Variants in TRIR observed in about 807,000 individuals in gnomAD.
TRIR encodes telomerase RNA component interacting RNase.
Under a neutral mutation model 18.2 loss-of-function variants are expected in TRIR, and 5 were observed. That is an observed-to-expected ratio of 0.27 (90% confidence interval 0.14 to 0.58). The LOEUF (loss-of-function observed/expected upper bound fraction) is 0.58, where lower values mean the gene tolerates loss of function less well. Among genes scored for constraint, TRIR ranks in the 20% least tolerant of loss-of-function variants. TRIR has a pLI of 0.91. For synonymous variants in TRIR, 134 were observed against 114.4 expected, an observed-to-expected ratio of 1.17 and a Z score of -1.10; for missense variants, 206 against 252.8, an observed-to-expected ratio of 0.81 and a Z score of 1.25.
rs1967502775 is a variant in TRIR at position 12,734,608 on chromosome 19, C to A, written c.50G>T (p.Gly17Val). ...CCCGCCACCGCCACCGCCCGCGGGGCCCGGAGCCTCCCGGCCCTGAGGCTC... is the reference window on the plus strand; with the variant it reads ...CCCGCCACCGCCACCGCCCGCGGGGACCGGAGCCTCCCGGCCCTGAGGCTC... ...RAEPQGREAPGPAGGGGGGSR... is the reference protein window; with the variant it reads ...RAEPQGREAPVPAGGGGGGSR... The change falls in exon 1 of 3, where the codon GGC (glycine) becomes GTC (valine). Residue 17 changes from glycine (G) to valine (V), a missense_variant. This residue lies in a region of TRIR where 172 missense variants were observed against 165.0 expected (regional missense o/e 1.04). Transcript: ENST00000242784. This position sits in a 1 kb window ranked among gnomAD's most constrained non-coding sequence, Gnocchi z 4.1. 1 of 1,517,844 alleles carries A rather than the reference C, an allele frequency of 6.6e-7. No individual in the cohort carries two copies. Among genetic ancestry groups the A allele is most frequent in the Non-Finnish European group, 8.8e-7 (1 of 1,139,246 alleles). 94.0% of individuals were successfully genotyped at this position (1,517,844 alleles called of 1,614,324 possible). A position where few individuals can be genotyped will look rare whatever the true frequency, so the allele number is the denominator to read the frequency against.
Position 12,734,626 on chromosome 19 carries a change from T to C in TRIR, c.32A>G (p.Gln11Arg). 2.0e-6 allele frequency: 3 copies of C among 1,513,998 alleles called. No individual in the cohort carries two copies. The highest frequency in any genetic ancestry group is 1.2e-5 in the South Asian group (1 of 81,670). 93.8% of individuals were successfully genotyped at this position (1,513,998 alleles called of 1,614,324 possible). MAARGRRAEPQGREAPGPAGG... is the reference protein window; with the variant it reads MAARGRRAEPRGREAPGPAGG... ...CGCGGGGCCCGGAGCCTCCCGGCCC[T>C]GAGGCTCCGCCCGTCTCCCTCGGGC... is the stretch of plus-strand genomic sequence containing the variant. Residue 11 changes from glutamine to arginine, a missense_variant, in exon 1 of 3, where the codon CAG becomes CGG. By Grantham distance (43) the Gln-to-Arg change is conservative. Around this residue, in one of 2 missense-constraint regions of TRIR, gnomAD observed 172 missense variants for 165.0 expected, o/e 1.04. Transcript: ENST00000242784. The surrounding 1 kb of genome is among the most constrained non-coding windows in gnomAD (Gnocchi z 4.1).
chr19:12,733,295 G>A (rs1039976442), intron 1 of TRIR, among the ~76,000 whole-genome samples: 3 of 152,082 alleles, frequency 2.0e-5, no homozygotes, highest in Non-Finnish European at 4.4e-5. Flanking sequence ...CAGAACTAGA[G>A]CCCCCAGTCT....
At chr19:12,733,619 A>G (rs943097532) in intron 1 of TRIR, among the ~76,000 whole-genome samples, 1 of 152,122 alleles carries the variant, frequency 6.6e-6, no homozygotes, top group Non-Finnish European at 1.5e-5. Flanking sequence ...AACTGCCCCA[A>G]TTGAGAACCA....
chr19:12,731,136 G>T lies in TRIR; in HGVS notation c.424-68C>A, dbSNP rs1967420478. 10 of 1,393,176 alleles carry T rather than the reference G, an allele frequency of 7.2e-6. No individual in the cohort carries two copies. In the South Asian group the frequency reaches 9.3e-5, roughly 13 times the overall value. The allele number at this position is 1,393,176 out of a possible 1,614,324, so 86.3% of individuals were successfully genotyped here. A position where few individuals can be genotyped will look rare whatever the true frequency, so the allele number is the denominator to read the frequency against. On this transcript the variant is annotated intron_variant, in intron 2 of 2. Coordinates refer to ENST00000242784, the MANE Select transcript of TRIR (RefSeq NM_024038.4). This position sits in a 1 kb window ranked among gnomAD's most constrained non-coding sequence, Gnocchi z 5.1. ...CAGGGTCAGGACTGCCCTGAGACAG[G>T]TGACCCATTCCCAGTGTCACCCAGA...
chr19:12,733,675 T>A (rs1353655562), intron 1 of TRIR, among the ~76,000 whole-genome samples: 1 of 152,142 alleles, frequency 6.6e-6, no homozygotes, highest in East Asian at 1.9e-4. Flanking sequence ...TAACCACTTT[T>A]CCAGGATCAC....
In TRIR at chr19:12,731,189, A is replaced by G; in HGVS notation, c.424-121T>C. On this transcript the variant is annotated intron_variant, in intron 2 of 2. Transcript: ENST00000242784. This position sits in a 1 kb window ranked among gnomAD's most constrained non-coding sequence, Gnocchi z 5.1. ...ACTCTGGGTTTGAGCTGAAGATTAT[A>G]AAGTCAAGTTATCTGGGGACCCATT... The G allele has an allele frequency of 7.9e-7, 1 of 1,267,272 alleles. No homozygotes were observed. Among genetic ancestry groups the G allele is most frequent in the Non-Finnish European group, 1.1e-6 (1 of 871,276 alleles). The allele number at this position is 1,267,272 out of a possible 1,614,324, so 78.5% of individuals were successfully genotyped here. A position where few individuals can be genotyped will look rare whatever the true frequency, so the allele number is the denominator to read the frequency against.
chr19:12,731,751 T>C lies in TRIR; in HGVS notation c.346-330A>G, dbSNP rs967248633. On this transcript the variant is annotated intron_variant, in intron 1 of 2. Coordinates refer to ENST00000242784, the MANE Select transcript of TRIR (RefSeq NM_024038.4). The surrounding 1 kb of genome is among the most constrained non-coding windows in gnomAD (Gnocchi z 5.1). Reference sequence around the variant, plus strand: ...CTCCCTTTATTGAGCATGTACTGTATGCCAAGCCCTGTGCCAAGTGCTGTG... The same window carrying C: ...CTCCCTTTATTGAGCATGTACTGTACGCCAAGCCCTGTGCCAAGTGCTGTG... 7 of 303,034 alleles carry C rather than the reference T, an allele frequency of 2.3e-5. 1 individual carries two copies. Among genetic ancestry groups the C allele is most frequent in the African/African-American group, 1.5e-4 (7 of 45,458 alleles). The allele number at this position is 303,034 out of a possible 1,614,324, so 18.8% of individuals were successfully genotyped here.
rs769940750 is a variant in TRIR, at chr19:12,731,449, G to A, written c.346-28C>T. The A allele has an allele frequency of 6.2e-6, 10 of 1,601,536 alleles. No homozygotes were observed. In the South Asian group the frequency reaches 7.8e-5, roughly 13 times the overall value. ...GGGTGAAGGGACAGAAGACTGCAAC[G>A]GTTACAGGAGCCGGGACCGCCCTTG... On this transcript the variant is annotated intron_variant, in intron 1 of 2. Transcript: ENST00000242784. The surrounding 1 kb of genome is among the most constrained non-coding windows in gnomAD (Gnocchi z 5.1).
Position 12,734,592 on chromosome 19 carries a change from G to T in TRIR, c.66C>A (p.Gly22=). Residue 22 remains glycine, a synonymous_variant, in exon 1 of 3, where the codon GGC becomes GGA. Transcript: ENST00000242784. The surrounding 1 kb of genome is among the most constrained non-coding windows in gnomAD (Gnocchi z 4.1). ...GREAPGPAGG[G]GGGSRWAESG... ...ACTCAGCCCAACGGCTCCCGCCACC[G>T]CCACCGCCCGCGGGGCCCGGAGCCT... 1 of 1,520,206 alleles carries T rather than the reference G, an allele frequency of 6.6e-7. No homozygotes were observed. The allele number at this position is 1,520,206 out of a possible 1,614,324, so 94.2% of individuals were successfully genotyped here.
rs79547465 is a variant in TRIR, at chr19:12,731,257, G to A, written c.423+87C>T. ...GCCAGGCACACTCATAAAAGGCCTG[G>A]ATACCAGACAGGGAGGGAGAAGGCT... is the stretch of plus-strand genomic sequence containing the variant. On this transcript the variant is annotated intron_variant, in intron 2 of 2. Coordinates refer to ENST00000242784, the MANE Select transcript of TRIR (RefSeq NM_024038.4). This position sits in a 1 kb window ranked among gnomAD's most constrained non-coding sequence, Gnocchi z 5.1. 2,079 of 1,511,424 alleles carry A rather than the reference G, an allele frequency of 1.4e-3. 21 individuals are homozygous for A. In the African/African-American group the frequency reaches 0.025, roughly 18 times the overall value. The allele number at this position is 1,511,424 out of a possible 1,614,324, so 93.6% of individuals were successfully genotyped here.
rs1463568723 is a variant in TRIR, at chr19:12,731,266, CAG to C, written c.423+76_423+77del. The C allele has an allele frequency of 3.2e-6, 5 of 1,539,334 alleles. No homozygotes were observed. Among genetic ancestry groups the C allele is most frequent in the Non-Finnish European group, 4.5e-6 (5 of 1,115,420 alleles). Reference sequence around the variant, plus strand: ...ACTCATAAAAGGCCTGGATACCAGACAGGGAGGGAGAAGGCTGGGCGCAAAAG... The same window carrying C: ...ACTCATAAAAGGCCTGGATACCAGACGGAGGGAGAAGGCTGGGCGCAAAAG... On this transcript the variant is annotated intron_variant, in intron 2 of 2. Transcript: ENST00000242784. This position sits in a 1 kb window ranked among gnomAD's most constrained non-coding sequence, Gnocchi z 5.1.
At chr19:12,733,884 G>C (rs1967480313) in intron 1 of TRIR, among the ~76,000 whole-genome samples, 1 of 152,190 alleles carries the variant, frequency 6.6e-6, no homozygotes, top group Non-Finnish European at 1.5e-5. Context: ...TAAGATACAA[G>C]GAAGTCAAGC....
Position 12,734,231 on chromosome 19 carries a change from G to C in TRIR, c.345+82C>G, listed in dbSNP as rs1967488219. The C allele has an allele frequency of 7.8e-7, 1 of 1,286,948 alleles. No homozygotes were observed. The highest frequency in any genetic ancestry group is 1.0e-6 in the Non-Finnish European group (1 of 991,390). 79.7% of individuals were successfully genotyped at this position (1,286,948 alleles called of 1,614,324 possible). ...TCATTCAGAACGGAAAGTGGACTTCGGTCCCGATCCCCCTTCACGGGCCCC... is the reference window on the plus strand; with the variant it reads ...TCATTCAGAACGGAAAGTGGACTTCCGTCCCGATCCCCCTTCACGGGCCCC... On this transcript the variant is annotated intron_variant, in intron 1 of 2. Transcript: ENST00000242784. The surrounding 1 kb of genome is among the most constrained non-coding windows in gnomAD (Gnocchi z 4.1).
At position 12,731,267 on chromosome 19, in the gene TRIR, A is replaced by G; in HGVS notation, c.423+77T>C. The stretch of plus-strand genomic sequence containing the variant: ...CTCATAAAAGGCCTGGATACCAGAC[A>G]GGGAGGGAGAAGGCTGGGCGCAAAA... On this transcript the variant is annotated intron_variant, in intron 2 of 2. Transcript: ENST00000242784. The surrounding 1 kb of genome is among the most constrained non-coding windows in gnomAD (Gnocchi z 5.1). The G allele has an allele frequency of 2.6e-6, 4 of 1,537,908 alleles. No individual in the cohort carries two copies. The highest frequency in any genetic ancestry group is 2.7e-5 in the African/African-American group (2 of 73,348).
rs1233262464 is a variant in TRIR, at chr19:12,733,743, A to T, written c.345+570T>A. ...ATGATGTCTATTTTTGCAACTAGGG[A>T]AAATGAGGGTAGGCAAACCCAGAGG... On this transcript the variant is annotated intron_variant, in intron 1 of 2. Coordinates refer to ENST00000242784, the MANE Select transcript of TRIR (RefSeq NM_024038.4). Among the ~76,000 whole-genome samples, 3 of 152,190 alleles carry T rather than the reference A, an allele frequency of 2.0e-5. No homozygotes were observed. In the East Asian group the frequency reaches 5.8e-4, roughly 29 times the overall value.
At position 12,732,724 on chromosome 19, in the gene TRIR, G is replaced by A. The variant is rs142108497; in HGVS notation, c.346-1303C>T. Reference sequence around the variant, plus strand: ...CCTGCCTCAGCCTCCCGAGTAGCTGGGATTACAGGTATGCACCACCATGCC... The same window carrying A: ...CCTGCCTCAGCCTCCCGAGTAGCTGAGATTACAGGTATGCACCACCATGCC... On this transcript the variant is annotated intron_variant, in intron 1 of 2. Transcript: ENST00000242784. 1.3e-3 allele frequency among the ~76,000 whole-genome samples: 201 copies of A among 152,092 alleles called. 3 individuals carry two copies. The highest frequency in any genetic ancestry group is 3.8e-3 in the Admixed American group (58 of 15,250).
rs1018790426 is a variant in TRIR at position 12,734,024 on chromosome 19, G to C, written c.345+289C>G. Among the ~76,000 whole-genome samples, 1 of 152,168 alleles carries C rather than the reference G, an allele frequency of 6.6e-6. No homozygotes were observed. Among genetic ancestry groups the C allele is most frequent in the African/African-American group, 2.4e-5 (1 of 41,420 alleles). On this transcript the variant is annotated intron_variant, in intron 1 of 2. Coordinates refer to ENST00000242784, the MANE Select transcript of TRIR (RefSeq NM_024038.4). The surrounding 1 kb of genome is among the most constrained non-coding windows in gnomAD (Gnocchi z 4.1). ...GGTGGTCCCATGACCCAAGGTCCGG[G>C]TACCACTCAAACAGGAATCCTGATA...
At position 12,734,472 on chromosome 19, in the gene TRIR, G is replaced by A. The variant is rs1456895692; in HGVS notation, c.186C>T (p.Asp62=). The A allele has an allele frequency of 4.6e-6, 7 of 1,534,798 alleles. No individual in the cohort carries two copies. In the African/African-American group the frequency reaches 9.9e-5, roughly 22 times the overall value. ...GCTTGAACAGCTCCAGGAAGCTGCC[G>A]TCGTTGGCGAACAAGTTCACGCCGC... is the stretch of plus-strand genomic sequence containing the variant. The part of the protein sequence containing the change: ...VSGGVNLFAN[D]GSFLELFKRK... Residue 62 remains aspartate (D), a synonymous_variant, in exon 1 of 3, where the codon GAC becomes GAT. Coordinates refer to ENST00000242784, the MANE Select transcript of TRIR (RefSeq NM_024038.4). This position sits in a 1 kb window ranked among gnomAD's most constrained non-coding sequence, Gnocchi z 4.1.
In TRIR at chr19:12,730,960, G is replaced by T; in HGVS notation, c.*1C>A. Reference sequence around the variant, plus strand: ...GGCCATGGGCAGGTGGGGGAGGGGCGTCATTTCACCAGGGGCCGAGTTTTA... The same window carrying T: ...GGCCATGGGCAGGTGGGGGAGGGGCTTCATTTCACCAGGGGCCGAGTTTTA... On this transcript the variant is annotated 3_prime_UTR_variant, in exon 3 of 3. Coordinates refer to ENST00000242784, the MANE Select transcript of TRIR (RefSeq NM_024038.4). 1 of 1,613,308 alleles carries T rather than the reference G, an allele frequency of 6.2e-7. No homozygotes were observed. Among genetic ancestry groups the T allele is most frequent in the Non-Finnish European group, 8.5e-7 (1 of 1,179,330 alleles).
Sources: gnomAD v4.1 joint callset for allele counts (sites outside exome capture counted in the v4.1 genomes callset) on GRCh38, gnomAD v4.1.1 for gene constraint, gnomAD v4.1.1 regional missense constraint, Gnocchi (gnomAD v3.1) non-coding constraint, MANE v1.5 for transcripts, NCBI Gene and HGNC (gene_info 2026-07-23, HGNC 2026-07-21) for gene names.